XPO1: variants seen among roughly 807,000 people sequenced by gnomAD.
XPO1 encodes the protein exportin 1.
In XPO1, 5 loss-of-function variants were observed where a neutral mutation model predicts 133.3. The observed-to-expected ratio is 0.04, with a 90% confidence interval of 0.02 to 0.08. The LOEUF is 0.08. Among genes scored for constraint, XPO1 ranks in the 10% least tolerant of loss-of-function variants. The probability of loss-of-function intolerance (pLI) is 1.00; values close to 1 mark genes in which losing one functional copy is unlikely to be tolerated. For synonymous variants in XPO1, 419 were observed against 408.2 expected, an observed-to-expected ratio of 1.03 and a Z score of -0.32; for missense variants, 506 against 1,267.5, an observed-to-expected ratio of 0.40 and a Z score of 9.12.
intron 4 of XPO1, among the ~76,000 whole-genome samples, chr2:61,509,404 C>T (rs1697980818): frequency 6.6e-6 from 1 of 152,068 alleles, no homozygotes; most frequent in African/African-American, 2.4e-5. Context: ...AGGCGGGCGG[C>T]TCACCTGAGG....
intron 4 of XPO1, among the ~76,000 whole-genome samples, chr2:61,505,743 G>C (rs1697775267): frequency 6.6e-6 from 1 of 151,940 alleles, no homozygotes; most frequent in Non-Finnish European, 1.5e-5. Context: ...ATTTTCACTA[G>C]AGATGGGGTT....
intron 23 of XPO1, 127 bp downstream of exon 23, chr2:61,482,253 A>G: frequency 1.1e-5 from 6 of 556,576 alleles, no homozygotes; most frequent in Non-Finnish European, 1.3e-5. Flanking sequence ...TTTGTTGTCT[A>G]GGTTGGTCTC....
intron 2 of XPO1, among the ~76,000 whole-genome samples, chr2:61,528,526 G>A (rs976471649): frequency 6.0e-5 from 9 of 151,118 alleles, no homozygotes; most frequent in Non-Finnish European, 1.3e-4. Context: ...CCAGCTACTC[G>A]GGAGGCTGAG....
intron 1 of XPO1, chr2:61,534,105 T>C: frequency 2.1e-6 from 1 of 470,514 alleles, no homozygotes; most frequent in Non-Finnish European, 3.5e-6. Context: ...CATAAATTAT[T>C]ATGGTCCATT....
intron 20 of XPO1, 66 bp downstream of exon 20, chr2:61,485,702 T>C: frequency 7.6e-7 from 1 of 1,324,280 alleles, no homozygotes; most frequent in Non-Finnish European, 1.0e-6. Context: ...ACAGACATAC[T>C]TTAGCTTTCA....
intron 4 of XPO1, among the ~76,000 whole-genome samples, chr2:61,513,670 T>G (rs966982629): frequency 2.0e-5 from 3 of 152,074 alleles, no homozygotes; most frequent in Admixed American, 6.6e-5. Context: ...GACAAAGATT[T>G]CTTGAATACA....
At chr2:61,500,670 G>A (rs568583142) in intron 6 of XPO1, among the ~76,000 whole-genome samples, 5 of 151,940 alleles carry the variant, frequency 3.3e-5, no homozygotes, top group South Asian at 2.1e-4. Flanking sequence ...GTGGTGGCGC[G>A]GGCCAGTAGT....
chr2:61,507,262 G>A (rs913426618), intron 4 of XPO1, among the ~76,000 whole-genome samples: 6 of 82,868 alleles, frequency 7.2e-5, no homozygotes, highest in African/African-American at 2.7e-4. Flanking sequence ...AAAAAAAAGA[G>A]TGAAGAAAAC....
At chr2:61,503,955 G>A (rs1034500931) in intron 4 of XPO1, among the ~76,000 whole-genome samples, 3 of 152,210 alleles carry the variant, frequency 2.0e-5, no homozygotes, top group Admixed American at 6.5e-5. Flanking sequence ...TGAAGCCGGT[G>A]GATCGCTTGA....
intron 2 of XPO1, among the ~76,000 whole-genome samples, chr2:61,527,981 C>T (rs1157437644): frequency 1.3e-5 from 2 of 151,208 alleles, no homozygotes; most frequent in Non-Finnish European, 2.9e-5. Flanking sequence ...GGCTGGAGTG[C>T]AATGGCAGGA....
intron 20 of XPO1, 192 bp downstream of exon 20, chr2:61,485,576 T>C (rs1696652770): frequency 4.7e-6 from 2 of 429,342 alleles, no homozygotes; most frequent in South Asian, 4.0e-5. Flanking sequence ...TCTCACTATA[T>C]TGCCCAGGTT....
At chr2:61,532,570 G>A (rs920046354) in intron 2 of XPO1, among the ~76,000 whole-genome samples, 1 of 151,892 alleles carries the variant, frequency 6.6e-6, no homozygotes, top group Non-Finnish European at 1.5e-5. Context: ...AGGCGCGGTG[G>A]CTCATGCCTG....
intron 4 of XPO1, among the ~76,000 whole-genome samples, chr2:61,522,292 A>G (rs925897679): frequency 2.0e-5 from 3 of 152,166 alleles, no homozygotes; most frequent in African/African-American, 7.2e-5. Flanking sequence ...CCCAGACTCA[A>G]GCGATCTACT....
At chr2:61,511,771 CTT>C (rs753957561) in intron 4 of XPO1, among the ~76,000 whole-genome samples, 3 of 149,772 alleles carry the variant, frequency 2.0e-5, no homozygotes, top group Admixed American at 6.7e-5. Context: ...TCTTTTTTTT[CTT>C]TTTGAGACGG....
At chr2:61,507,539 T>C (rs911359018) in intron 4 of XPO1, among the ~76,000 whole-genome samples, 1 of 151,722 alleles carries the variant, frequency 6.6e-6, no homozygotes, top group Non-Finnish European at 1.5e-5. Context: ...TCACTGCACT[T>C]CAGCCTGGGC....
At chr2:61,483,591 G>A (rs1418777201) in intron 21 of XPO1, 1 of 187,818 alleles carries the variant, frequency 5.3e-6, no homozygotes. Flanking sequence ...AAAAGCCTAT[G>A]GGAAAAAAAT....
chr2:61,534,745 A>G (rs981081220), intron 1 of XPO1: 1 of 152,216 alleles, frequency 6.6e-6, no homozygotes, highest in African/African-American at 2.4e-5. Context: ...AGTAATTCCT[A>G]TTGTCTACAG....
At chr2:61,530,825 G>A (rs570401479) in intron 2 of XPO1, among the ~76,000 whole-genome samples, 6 of 151,138 alleles carry the variant, frequency 4.0e-5, no homozygotes, top group Non-Finnish European at 7.4e-5. Context: ...CATATTTTAT[G>A]AGTAGCAAAA....
chr2:61,486,051 A>AG (rs1696675368), intron 19 of XPO1, 89 bp from the exon 20 acceptor site: 1 of 1,211,926 alleles, frequency 8.3e-7, no homozygotes, highest in East Asian at 2.6e-5. Flanking sequence ...TATGAGATGT[A>AG]GCATGATCAT....
Sources: gnomAD v4.1 joint callset for allele counts (sites outside exome capture counted in the v4.1 genomes callset) on GRCh38, gnomAD v4.1.1 for gene constraint, MANE v1.5 for transcripts, NCBI Gene and HGNC (gene_info 2026-07-23, HGNC 2026-07-21) for gene names.